Variants in MIGA1 observed in about 807,000 individuals in gnomAD.
MIGA1 encodes the protein family with sequence similarity 73, member A.
A neutral mutation model predicts 82.0 loss-of-function variants in MIGA1; 58 were observed. The observed-to-expected ratio is 0.71, with a 90% CI of 0.57 to 0.88. The LOEUF (loss-of-function observed/expected upper bound fraction) is 0.88. Ranked by LOEUF, MIGA1 falls within the 40% of genes least tolerant of loss-of-function variation. The pLI is 0.00. For synonymous variants in MIGA1, 249 were observed against 253.6 expected (o/e 0.98, Z 0.17); for missense variants, 751 against 749.1 (o/e 1.00, Z -0.03).
At chr1:77,843,479 T>C (rs1684704031) in intron 8 of MIGA1, 72 bp downstream of exon 8, 4 of 1,152,026 alleles carry the variant, frequency 3.5e-6, no homozygotes, top group Admixed American at 3.6e-5. Context: ...GTCATTATAC[T>C]GTAATTCAGT....
At chr1:77,819,107 A>T (rs1304728552) in intron 7 of MIGA1, among the ~76,000 whole-genome samples, 2 of 151,870 alleles carry the variant, frequency 1.3e-5, no homozygotes, top group Non-Finnish European at 2.9e-5. Context: ...AGAAAAAGAA[A>T]ATCATCTCAA....
intron 10 of MIGA1, 84 bp downstream of exon 10, chr1:77,859,470 G>C (rs1685385597): frequency 1.1e-6 from 1 of 881,994 alleles, no homozygotes. Context: ...AAACAGGACA[G>C]CTCTGTGCTC....
intron 7 of MIGA1, among the ~76,000 whole-genome samples, chr1:77,824,735 A>G (rs1328995281): frequency 1.3e-5 from 2 of 152,180 alleles, no homozygotes; most frequent in Non-Finnish European, 2.9e-5. Context: ...ATTTCAAGCC[A>G]TCTTTACAAT....
intron 5 of MIGA1, chr1:77,811,270 A>T: frequency 1.3e-6 from 2 of 1,586,190 alleles, no homozygotes; most frequent in Non-Finnish European, 1.7e-6. Flanking sequence ...CGCAATTCTG[A>T]TAGTGAGTAA....
At chr1:77,802,116 A>C (rs1682909121) in intron 3 of MIGA1, among the ~76,000 whole-genome samples, 1 of 152,202 alleles carries the variant, frequency 6.6e-6, no homozygotes, top group African/African-American at 2.4e-5. Flanking sequence ...TATGAATAAA[A>C]ATAATTCCTT....
intron 2 of MIGA1, among the ~76,000 whole-genome samples, chr1:77,794,312 C>A (rs537475790): frequency 6.6e-6 from 1 of 152,216 alleles, no homozygotes; most frequent in East Asian, 1.9e-4. Context: ...CACCTTATAT[C>A]CTTCAGGATC....
At position 77,847,751 on chromosome 1, in the gene MIGA1, A is replaced by G; in HGVS notation, c.996+4344A>G. The G allele has an allele frequency of 3.8e-6, 6 of 1,592,440 alleles. No homozygotes were observed. In the South Asian group the frequency reaches 4.4e-5, roughly 12 times the overall value. On this transcript the variant is annotated intron_variant, in intron 8 of 15. Coordinates refer to ENST00000370791, the MANE Select transcript of MIGA1 (RefSeq NM_198549.4). ...CTAAATGCAGCTTTCGTGAAGCCAG[A>G]TCTGGTATAAAGGAAGAGAAATCAA...
At chr1:77,836,995 T>C (rs1684459465) in intron 7 of MIGA1, among the ~76,000 whole-genome samples, 2 of 152,164 alleles carry the variant, frequency 1.3e-5, no homozygotes, top group Non-Finnish European at 2.9e-5. Flanking sequence ...AAATAGTCTG[T>C]GAAAGCACTT....
chr1:77,862,975 A>T (rs1685524824), intron 12 of MIGA1, among the ~76,000 whole-genome samples: 1 of 152,022 alleles, frequency 6.6e-6, no homozygotes, highest in Non-Finnish European at 1.5e-5. Flanking sequence ...TGAGTTTACA[A>T]GCAGCTGAAA....
At chr1:77,840,495 ATT>A (rs1684587979) in intron 7 of MIGA1, among the ~76,000 whole-genome samples, 1 of 152,120 alleles carries the variant, frequency 6.6e-6, no homozygotes, top group Non-Finnish European at 1.5e-5. Context: ...ACAAGAGTTA[ATT>A]GACTTGTAAA....
intron 4 of MIGA1, among the ~76,000 whole-genome samples, chr1:77,805,461 CTTTTT>C (rs11408292): frequency 9.1e-5 from 10 of 110,370 alleles, no homozygotes; most frequent in Admixed American, 2.1e-4. Context: ...TATGCCTATT[CTTTTT>C]TTTTTTTTTT....
intron 13 of MIGA1, among the ~76,000 whole-genome samples, chr1:77,864,430 CT>C (rs1685586076): frequency 6.6e-6 from 1 of 151,734 alleles, no homozygotes; most frequent in Non-Finnish European, 1.5e-5. Context: ...AATCTCAGCA[CT>C]TTGGGAGGCT....
chr1:77,845,100 A>G (rs955924176), intron 8 of MIGA1, among the ~76,000 whole-genome samples: 3 of 152,190 alleles, frequency 2.0e-5, no homozygotes, highest in African/African-American at 7.2e-5. Context: ...CTGCCTTTTT[A>G]AAAGTAGTAC....
chr1:77,817,798 G>C (rs1213555815), intron 7 of MIGA1, among the ~76,000 whole-genome samples: 1 of 152,146 alleles, frequency 6.6e-6, no homozygotes, highest in East Asian at 1.9e-4. Flanking sequence ...CATAAATTAA[G>C]ATAGTGTAAC....
chr1:77,821,555 C>T (rs1383946698), intron 7 of MIGA1, among the ~76,000 whole-genome samples: 1 of 151,940 alleles, frequency 6.6e-6, no homozygotes, highest in Non-Finnish European at 1.5e-5. Flanking sequence ...ACCACCATGC[C>T]TGGCTAATTT....
intron 7 of MIGA1, among the ~76,000 whole-genome samples, chr1:77,818,495 C>T (rs1683666343): frequency 6.6e-6 from 1 of 152,140 alleles, no homozygotes; most frequent in African/African-American, 2.4e-5. Context: ...AAGTGCTTAA[C>T]AAAGGGCCCA....
chr1:77,821,113 G>T (rs562586549), intron 7 of MIGA1, among the ~76,000 whole-genome samples: 1 of 148,852 alleles, frequency 6.7e-6, no homozygotes, highest in South Asian at 2.2e-4. Flanking sequence ...CAGACTGGGC[G>T]ACAAAGTGAG....
intron 8 of MIGA1, among the ~76,000 whole-genome samples, chr1:77,849,004 A>G (rs990673102): frequency 1.4e-4 from 22 of 152,196 alleles, no homozygotes; most frequent in African/African-American, 5.3e-4. Context: ...TATATAGAGT[A>G]TGTACTTATC....
chr1:77,864,767 T>C (rs751746520), intron 13 of MIGA1, among the ~76,000 whole-genome samples: 30 of 152,228 alleles, frequency 2.0e-4, no homozygotes, highest in Non-Finnish European at 3.8e-4. Context: ...TCCTTTGATA[T>C]TCAGCTCAGG....
Sources: gnomAD v4.1 joint callset for allele counts (sites outside exome capture counted in the v4.1 genomes callset) on GRCh38, gnomAD v4.1.1 for gene constraint, MANE v1.5 for transcripts, NCBI Gene and HGNC (gene_info 2026-07-23, HGNC 2026-07-21) for gene names.